PTPRT: variants seen among roughly 807,000 people sequenced by gnomAD.
PTPRT encodes the protein receptor-type tyrosine-protein phosphatase T.
PTPRT carries 56 observed loss-of-function variants against 176.8 expected under a neutral mutation model. That is an observed-to-expected ratio of 0.32 (90% CI 0.26 to 0.40). The LOEUF (loss-of-function observed/expected upper bound fraction) is 0.40. Ranked by LOEUF, PTPRT falls within the 10% of genes least tolerant of loss-of-function variation. The pLI, the probability that PTPRT is intolerant of heterozygous loss-of-function variation, is 1.00. For synonymous variants in PTPRT, 783 were observed against 739.0 expected (o/e 1.06, Z -0.96); for missense variants, 1,540 against 1,908.2 (o/e 0.81, Z 3.60).
chr20:42,918,292 A>G (rs548764095), intron 1 of PTPRT, among the ~76,000 whole-genome samples: 1 of 152,206 alleles, frequency 6.6e-6, no homozygotes, highest in East Asian at 1.9e-4. Context: ...AAATCCCCCC[A>G]TCTCCAGGTA....
At chr20:42,665,388 A>G (rs1312222993) in intron 7 of PTPRT, among the ~76,000 whole-genome samples, 1 of 152,126 alleles carries the variant, frequency 6.6e-6, no homozygotes, top group Non-Finnish European at 1.5e-5. Flanking sequence ...CAAAACCACA[A>G]TGAGATACCA....
intron 6 of PTPRT, among the ~76,000 whole-genome samples, chr20:42,705,510 T>C (rs2076040069): frequency 6.6e-6 from 1 of 152,080 alleles, no homozygotes; most frequent in African/African-American, 2.4e-5. Flanking sequence ...TATCACAAAG[T>C]ACATTATCAC....
chr20:42,744,683 C>T (rs2076665956), intron 6 of PTPRT, among the ~76,000 whole-genome samples: 1 of 152,188 alleles, frequency 6.6e-6, no homozygotes, highest in East Asian at 1.9e-4. Flanking sequence ...GCCTGCTTAG[C>T]AGACAATTTT....
chr20:42,196,333 CT>C (rs913162330), intron 16 of PTPRT, among the ~76,000 whole-genome samples: 11 of 152,074 alleles, frequency 7.2e-5, no homozygotes, highest in African/African-American at 1.2e-4. Flanking sequence ...GAGCCTTTCT[CT>C]TTTTTTCTAT....
intron 1 of PTPRT, among the ~76,000 whole-genome samples, chr20:43,002,615 G>A (rs1352203055): frequency 6.6e-6 from 1 of 151,976 alleles, no homozygotes; most frequent in East Asian, 1.9e-4. Flanking sequence ...TCAACAGCTT[G>A]GAAATAATTT....
intron 1 of PTPRT, among the ~76,000 whole-genome samples, chr20:43,180,323 C>T (rs1481758420): frequency 8.2e-6 from 1 of 121,958 alleles, no homozygotes; most frequent in East Asian, 2.6e-4. Flanking sequence ...TGAGCCAATT[C>T]CTATAAGAAA....
intron 1 of PTPRT, among the ~76,000 whole-genome samples, chr20:43,013,280 T>C (rs1173168944): frequency 6.6e-6 from 1 of 152,118 alleles, no homozygotes. Context: ...AAATGACCCA[T>C]GTGTGGGGTA....
chr20:42,385,181 C>G (rs1029923990), intron 9 of PTPRT, among the ~76,000 whole-genome samples: 10 of 151,980 alleles, frequency 6.6e-5, no homozygotes, highest in African/African-American at 2.4e-4. Context: ...TGGAGCTTTC[C>G]CCCTATTTCT....
intron 25 of PTPRT, 72 bp downstream of exon 25, chr20:42,104,497 C>T: frequency 6.8e-7 from 1 of 1,466,486 alleles, no homozygotes; most frequent in Non-Finnish European, 9.4e-7. Flanking sequence ...TTTAAACCAC[C>T]CAATCTATGG....
intron 1 of PTPRT, among the ~76,000 whole-genome samples, chr20:42,930,022 G>A (rs773388288): frequency 3.3e-5 from 5 of 152,150 alleles, no homozygotes; most frequent in East Asian, 1.9e-4. Flanking sequence ...GGCTGTAGGC[G>A]GCTGCCATTC....
intron 7 of PTPRT, among the ~76,000 whole-genome samples, chr20:42,570,831 A>T (rs577684981): frequency 1.3e-5 from 2 of 152,220 alleles, no homozygotes; most frequent in South Asian, 4.1e-4. Flanking sequence ...CCATCACAAG[A>T]TCTTTAACTT....
chr20:42,410,437 C>T (rs2059003337), intron 9 of PTPRT, among the ~76,000 whole-genome samples: 1 of 151,446 alleles, frequency 6.6e-6, no homozygotes, highest in African/African-American at 2.4e-5. Context: ...ATACATAAAA[C>T]AAAACTGAGA....
chr20:42,701,561 C>G (rs1021368464), intron 6 of PTPRT, among the ~76,000 whole-genome samples: 1 of 152,130 alleles, frequency 6.6e-6, no homozygotes, highest in African/African-American at 2.4e-5. Flanking sequence ...CAAAAAGGGA[C>G]AAGTGGACCT....
chr20:43,089,211 G>T (rs1046690598), intron 1 of PTPRT, among the ~76,000 whole-genome samples: 1 of 152,154 alleles, frequency 6.6e-6, no homozygotes, highest in Non-Finnish European at 1.5e-5. Context: ...CTAAGCACTT[G>T]CTCAAAACCA....
chr20:42,608,707 C>T (rs979553683), intron 7 of PTPRT, among the ~76,000 whole-genome samples: 1 of 152,244 alleles, frequency 6.6e-6, no homozygotes, highest in East Asian at 1.9e-4. Context: ...GAAGGTCAGC[C>T]CAGCTGGCAC....
At chr20:42,743,988 G>T (rs2076652327) in intron 6 of PTPRT, among the ~76,000 whole-genome samples, 1 of 152,202 alleles carries the variant, frequency 6.6e-6, no homozygotes, top group Non-Finnish European at 1.5e-5. Flanking sequence ...ACCTGCGGTT[G>T]GAGTCACTGG....
chr20:42,801,166 C>T (rs933908813), intron 2 of PTPRT, among the ~76,000 whole-genome samples: 1 of 152,148 alleles, frequency 6.6e-6, no homozygotes, highest in African/African-American at 2.4e-5. Context: ...GACTTATTAC[C>T]GTGTGTGCTG....
At position 42,636,242 on chromosome 20, in the gene PTPRT, G is replaced by A. The variant is rs185134584; in HGVS notation, c.1153+41624C>T. On this transcript the variant is annotated intron_variant, in intron 7 of 30. Coordinates refer to ENST00000373187, the MANE Select transcript of PTPRT (RefSeq NM_007050.6). ...CAAAAGTCTGAAGTGGGTAGGGACT[G>A]AGCCATACTTAATAATTTAAACTTA... is the stretch of plus-strand genomic sequence containing the variant. Among the ~76,000 whole-genome samples, 32 of 152,186 alleles carry A rather than the reference G, an allele frequency of 2.1e-4. 1 individual carries two copies. The Middle Eastern group carries it at 0.01, about 49-fold the overall frequency.
At chr20:42,653,430 A>G (rs2075068188) in intron 7 of PTPRT, among the ~76,000 whole-genome samples, 1 of 152,232 alleles carries the variant, frequency 6.6e-6, no homozygotes, top group African/African-American at 2.4e-5. Flanking sequence ...CCTATCAAGG[A>G]CAGCATCAAG....
Sources: gnomAD v4.1 joint callset for allele counts (sites outside exome capture counted in the v4.1 genomes callset) on GRCh38, gnomAD v4.1.1 for gene constraint, MANE v1.5 for transcripts, NCBI Gene and HGNC (gene_info 2026-07-23, HGNC 2026-07-21) for gene names.